Variants in TMEM114 observed in about 807,000 individuals in gnomAD.
The protein encoded by TMEM114 is claudin-26.
Under a neutral mutation model 6.2 loss-of-function variants are expected in TMEM114, and 6 were observed. The ratio of observed to expected loss-of-function variants is 0.97; its 90% CI spans 0.53 to 1.91. TMEM114 has a LOEUF of 1.91. Ranked by LOEUF, TMEM114 falls within the 40% of genes most tolerant of loss-of-function variation. The pLI, the probability that TMEM114 is intolerant of heterozygous loss-of-function variation, is 0.01. For synonymous variants in TMEM114, 104 were observed against 73.0 expected (o/e 1.42, Z -2.16); for missense variants, 218 against 158.3 (o/e 1.38, Z -2.02).
intron 2 of TMEM114, among the ~76,000 whole-genome samples, chr16:8,563,418 T>G (rs544962200): frequency 6.9e-6 from 1 of 145,064 alleles, no homozygotes; most frequent in Non-Finnish European, 1.5e-5. Flanking sequence ...AGTTAATTAG[T>G]GAGTGAATGA....
rs148415749 is a variant in TMEM114 at position 8,543,559 on chromosome 16, A to G, written n.213-5733T>C. On this transcript the variant is annotated intron_variant and non_coding_transcript_variant, in intron 2 of 2. Transcript: ENST00000623677. ...ACTAGGACACCCCTCCCACCGAAAC[A>G]TCATCTGGCCAACCCAACTCATTCT... Among the ~76,000 whole-genome samples the G allele has an allele frequency of 2.6e-3, 401 of 152,088 alleles. 4 individuals are homozygous for G. The highest frequency in any genetic ancestry group is 9.2e-3 in the African/African-American group (382 of 41,420).
intron 2 of TMEM114, among the ~76,000 whole-genome samples, chr16:8,543,483 A>T (rs1900575634): frequency 7.0e-6 from 1 of 143,028 alleles, no homozygotes. Context: ...GCAATGGTGC[A>T]CCTTGCACCA....
chr16:8,542,862 T>C (rs1900555668), intron 2 of TMEM114, among the ~76,000 whole-genome samples: 1 of 152,304 alleles, frequency 6.6e-6, no homozygotes, highest in East Asian at 1.9e-4. Flanking sequence ...GCAAACGTAG[T>C]CTTCTTAGGC....
chr16:8,540,689 C>A (rs1486504065), intron 2 of TMEM114, among the ~76,000 whole-genome samples: 1 of 152,178 alleles, frequency 6.6e-6, no homozygotes, highest in South Asian at 2.1e-4. Context: ...TACTGGGAAC[C>A]AGTGGTAAGC....
intron 2 of TMEM114, among the ~76,000 whole-genome samples, chr16:8,539,624 C>T (rs529407911): frequency 1.3e-5 from 2 of 152,262 alleles, no homozygotes; most frequent in African/African-American, 4.8e-5. Context: ...GTTGTATCAG[C>T]TGGAAGCACT....
chr16:8,582,350 C>T (rs1223742265), intron 2 of TMEM114, among the ~76,000 whole-genome samples: 2 of 152,154 alleles, frequency 1.3e-5, no homozygotes, highest in African/African-American at 4.8e-5. Flanking sequence ...TCCAGAAACA[C>T]CAGCCTTCCT....
intron 2 of TMEM114, among the ~76,000 whole-genome samples, chr16:8,561,251 C>T (rs1367414052): frequency 6.6e-6 from 1 of 152,216 alleles, no homozygotes; most frequent in Non-Finnish European, 1.5e-5. Context: ...CAGTCTTGGG[C>T]AACACTTATT....
intron 2 of TMEM114, among the ~76,000 whole-genome samples, chr16:8,584,241 T>C (rs551242962): frequency 6.6e-6 from 1 of 152,364 alleles, no homozygotes; most frequent in South Asian, 2.1e-4. Context: ...TCTTTTTTTA[T>C]TGAAGCCAGT....
At chr16:8,550,048 A>T (rs1900792664) in intron 2 of TMEM114, among the ~76,000 whole-genome samples, 1 of 152,200 alleles carries the variant, frequency 6.6e-6, no homozygotes. Flanking sequence ...GAGAGTCCAA[A>T]AGCCAAAGAA....
intron 2 of TMEM114, among the ~76,000 whole-genome samples, chr16:8,560,221 C>G (rs751298011): frequency 6.6e-6 from 1 of 151,752 alleles, no homozygotes; most frequent in African/African-American, 2.4e-5. Flanking sequence ...TGGGCTCAAA[C>G]TCCTGGGCTC....
chr16:8,550,202 C>T (rs1358107443), intron 2 of TMEM114, among the ~76,000 whole-genome samples: 1 of 152,214 alleles, frequency 6.6e-6, no homozygotes, highest in South Asian at 2.1e-4. Context: ...TGTTTACCCA[C>T]GTTGTGGGTG....
At chr16:8,546,472 A>C (rs967783631) in intron 2 of TMEM114, among the ~76,000 whole-genome samples, 1 of 152,160 alleles carries the variant, frequency 6.6e-6, no homozygotes, top group African/African-American at 2.4e-5. Context: ...ACCAGCCCGG[A>C]CATTATCTAC....
chr16:8,538,385 A>G (rs1245268593), intron 2 of TMEM114, among the ~76,000 whole-genome samples: 1 of 152,154 alleles, frequency 6.6e-6, no homozygotes, highest in Non-Finnish European at 1.5e-5. Flanking sequence ...GTGGGCAGAT[A>G]GAGACCTGAG....
intron 3 of TMEM114, among the ~76,000 whole-genome samples, chr16:8,571,557 G>C (rs1901732151): frequency 6.6e-6 from 1 of 152,106 alleles, no homozygotes; most frequent in Admixed American, 6.6e-5. Context: ...CTGAAATTGT[G>C]TGTTCTTTGA....
chr16:8,536,865 G>C (rs1447697056), downstream of TMEM114, among the ~76,000 whole-genome samples: 1 of 152,078 alleles, frequency 6.6e-6, no homozygotes, highest in Admixed American at 6.6e-5. Flanking sequence ...TCAAAATAAA[G>C]ATAATATTTC....
chr16:8,585,020 T>C (rs1388515928), intron 2 of TMEM114, among the ~76,000 whole-genome samples: 1 of 151,586 alleles, frequency 6.6e-6, no homozygotes, highest in African/African-American at 2.4e-5. Flanking sequence ...AGAGGTTTAA[T>C]GGACTCACAG....
the TMEM114 span, among the ~76,000 whole-genome samples, chr16:8,527,003 C>A: frequency 6.6e-6 from 1 of 151,672 alleles, no homozygotes; most frequent in African/African-American, 2.4e-5. Flanking sequence ...AGGTCAGGAG[C>A]TCAAGACCAG....
intron 2 of TMEM114, among the ~76,000 whole-genome samples, chr16:8,563,985 G>C (rs1005796005): frequency 2.0e-5 from 3 of 149,862 alleles, no homozygotes; most frequent in Non-Finnish European, 4.4e-5. Context: ...GAGTGAGGGA[G>C]GGCGGGAGGG....
chr16:8,547,576 A>G (rs1900710278), intron 2 of TMEM114, among the ~76,000 whole-genome samples: 1 of 152,016 alleles, frequency 6.6e-6, no homozygotes, highest in African/African-American at 2.4e-5. Flanking sequence ...TATTTTTAGT[A>G]GAGACAGGGT....
Sources: allele counts gnomAD v4.1 joint callset (sites outside exome capture counted in the v4.1 genomes callset), GRCh38; gene constraint gnomAD v4.1.1; transcripts MANE v1.5; gene names NCBI Gene and HGNC (gene_info 2026-07-23, HGNC 2026-07-21).